Variants in LY9 observed in about 807,000 individuals in gnomAD.
LY9 encodes the protein lymphocyte antigen 9.
Under a neutral mutation model 64.6 loss-of-function variants are expected in LY9, and 59 were observed. That is an observed-to-expected ratio of 0.91 (90% confidence interval 0.74 to 1.13). The LOEUF is 1.13. LY9 is among the 50% of genes most tolerant of loss of function. LY9 has a pLI of 0.00. For missense variants in LY9, 789 were observed against 797.2 expected, an observed-to-expected ratio of 0.99 and a Z score of 0.12; for synonymous variants, 281 against 308.5, an observed-to-expected ratio of 0.91 and a Z score of 0.93.
intron 5 of LY9, among the ~76,000 whole-genome samples, chr1:160,817,851 T>C (rs903309271): frequency 9.2e-5 from 14 of 152,142 alleles, no homozygotes; most frequent in African/African-American, 2.9e-4. Context: ...GGCAGACAGA[T>C]CTAGAGTCCA....
chr1:160,823,375 C>A, intron 7 of LY9, 90 bp from the exon 8 acceptor site: 2 of 921,710 alleles, frequency 2.2e-6, no homozygotes, highest in Non-Finnish European at 1.6e-6. Context: ...TCATCTAATG[C>A]AGGCATCAGA....
intron 2 of LY9, among the ~76,000 whole-genome samples, chr1:160,803,844 C>CA (rs1490425245): frequency 6.6e-6 from 1 of 151,928 alleles, no homozygotes; most frequent in Non-Finnish European, 1.5e-5. Context: ...CCCATCTCTA[C>CA]AAAAAAATAC....
chr1:160,809,092 C>T (rs943159108), intron 2 of LY9, among the ~76,000 whole-genome samples: 2 of 152,002 alleles, frequency 1.3e-5, no homozygotes, highest in Non-Finnish European at 2.9e-5. Flanking sequence ...TATTCTTGTG[C>T]ACCTATCTTT....
chr1:160,827,621 G>A lies in LY9; in HGVS notation c.1900-127G>A, dbSNP rs118040973. 2.8e-3 allele frequency: 1,860 copies of A among 658,722 alleles called. 53 individuals are homozygous for A. The East Asian group carries it at 0.051, about 18-fold the overall frequency. 40.8% of individuals were successfully genotyped at this position (658,722 alleles called of 1,614,324 possible). The stretch of plus-strand genomic sequence containing the variant: ...GGCTGGTTGATTGCGCCATCCCTGG[G>A]CCAGCACATATGACTCTACTTCTGT... On this transcript the variant is annotated intron_variant, in intron 9 of 9. Transcript: ENST00000263285.
Position 160,813,753 on chromosome 1 carries a change from G to A in LY9, c.572G>A (p.Trp191Ter). Residue 191 changes from tryptophan (W) to a stop codon, truncating the protein, a stop_gained, in exon 3 of 10, where the codon TGG becomes TAG. Coordinates refer to ENST00000263285, the MANE Select transcript of LY9 (RefSeq NM_002348.4). LOFTEE classifies it high-confidence loss of function. ...GCAGAGAAAAGTGTTCTGTACAGCT[G>A]GACCCCAAGGGAACCCCATGCTTCT... ...KGAEKSVLYS[W>*]TPREPHASES... 1 of 1,614,106 alleles carries A rather than the reference G, an allele frequency of 6.2e-7. No individual in the cohort carries two copies. The highest frequency in any genetic ancestry group is 1.7e-5 in the Admixed American group (1 of 60,030).
chr1:160,800,054 TGAG>T lies in LY9; in HGVS notation c.432_434del (p.Glu145del), dbSNP rs1433947715. On this transcript the variant is annotated inframe_deletion, in exon 2 of 10. Coordinates refer to ENST00000263285, the MANE Select transcript of LY9 (RefSeq NM_002348.4). ...ACCAAAGGAATTTTGAAGTCACCAC[TGAG>T]GAGGAATTCACCCTGTTCGTCTATG... 1 of 1,613,892 alleles carries T rather than the reference TGAG, an allele frequency of 6.2e-7. No individual in the cohort carries two copies. The highest frequency in any genetic ancestry group is 1.7e-5 in the Admixed American group (1 of 60,006).
Position 160,823,678 on chromosome 1 carries a change from C to A in LY9, c.1712C>A (p.Ala571Asp). 6.2e-7 allele frequency: 1 copy of A among 1,614,060 alleles called. No individual in the cohort carries two copies. The highest frequency in any genetic ancestry group is 8.5e-7 in the Non-Finnish European group (1 of 1,179,956). Residue 571 changes from alanine (A) to aspartate (D), a missense_variant, in exon 8 of 10, where the codon GCT becomes GAT. Transcript: ENST00000263285. ...TTTGACCAGGTCACTCAGGAGGGCG[C>A]TGGACATGACCCAGCCCCTGAGGGC... ...EVFDQVTQEGAGHDPAPEGQA... is the reference protein window; with the variant it reads ...EVFDQVTQEGDGHDPAPEGQA...
chr1:160,824,979 C>CAAA (rs60603957), intron 9 of LY9, among the ~76,000 whole-genome samples: 630 of 59,388 alleles, frequency 0.011, 12 homozygotes, highest in African/African-American at 0.034. Context: ...GACTCCATCT[C>CAAA]AAAAAAAAAA....
At position 160,799,850 on chromosome 1, in the gene LY9, G is replaced by T; in HGVS notation, c.222G>T (p.Glu74Asp). The T allele has an allele frequency of 1.2e-6, 2 of 1,614,132 alleles. No homozygotes were observed. The highest frequency in any genetic ancestry group is 8.5e-7 in the Non-Finnish European group (1 of 1,179,980). The change falls in exon 2 of 10, where the codon GAG becomes GAT. Residue 74 changes from glutamate (E) to aspartate (D), a missense_variant. Physicochemically the swap from Glu to Asp is conservative, Grantham distance 45. Coordinates refer to ENST00000263285, the MANE Select transcript of LY9 (RefSeq NM_002348.4). ...TLPLNISVDT[E>D]IENVIWIGPK... Reference sequence around the variant, plus strand: ...CCCTAAACATCTCAGTAGACACAGAGATTGAGAACGTCATCTGGATTGGTC... The same window carrying T: ...CCCTAAACATCTCAGTAGACACAGATATTGAGAACGTCATCTGGATTGGTC...
At chr1:160,800,616 G>A (rs1666364955) in intron 2 of LY9, among the ~76,000 whole-genome samples, 1 of 151,986 alleles carries the variant, frequency 6.6e-6, no homozygotes, top group Non-Finnish European at 1.5e-5. Flanking sequence ...TGCATGCTGG[G>A]GAAGTCTGGG....
chr1:160,827,708 C>T, intron 9 of LY9, 40 bp from the exon 10 acceptor site: 2 of 1,519,090 alleles, frequency 1.3e-6, no homozygotes, highest in Non-Finnish European at 1.8e-6. Flanking sequence ...TCTTCCAAGG[C>T]TTTATTAACC....
At chr1:160,810,848 G>C (rs1667417036) in intron 2 of LY9, 1 of 152,158 alleles carries the variant, frequency 6.6e-6, no homozygotes, top group Non-Finnish European at 1.5e-5. Flanking sequence ...TGCAAAACCA[G>C]AGAAGTTATC....
chr1:160,820,430 T>TA (rs1188763894), intron 7 of LY9, among the ~76,000 whole-genome samples: 3 of 151,888 alleles, frequency 2.0e-5, no homozygotes, highest in African/African-American at 7.3e-5. Flanking sequence ...AATAAATAAA[T>TA]AAAAAATAAA....
chr1:160,798,212 G>A (rs898082571), intron 1 of LY9, among the ~76,000 whole-genome samples: 10 of 151,978 alleles, frequency 6.6e-5, no homozygotes, highest in African/African-American at 9.7e-5. Flanking sequence ...AAGTCAAAAC[G>A]AGTCATATGC....
At chr1:160,814,881 A>G in intron 4 of LY9, 120 bp downstream of exon 4, 1 of 758,430 alleles carries the variant, frequency 1.3e-6, no homozygotes, top group Non-Finnish European at 2.2e-6. Context: ...GCCTCAGACC[A>G]CTAGGACAGC....
chr1:160,826,049 AC>A lies in LY9; in HGVS notation c.1900-1697del, dbSNP rs1205463207. ...CTTAACTACTAACAGCCTACTGTTG[AC>A]CAGAAGCCTTACCAAAAACATAAAC... On this transcript the variant is annotated intron_variant, in intron 9 of 9. Coordinates refer to ENST00000263285, the MANE Select transcript of LY9 (RefSeq NM_002348.4). Among the ~76,000 whole-genome samples the A allele has an allele frequency of 3.9e-5, 6 of 152,352 alleles. No individual in the cohort carries two copies. In the East Asian group the frequency reaches 1.2e-3, roughly 29 times the overall value.
intron 2 of LY9, 167 bp from the exon 3 acceptor site, chr1:160,813,469 A>G (rs975435883): frequency 6.4e-6 from 4 of 624,156 alleles, no homozygotes; most frequent in Non-Finnish European, 1.1e-5. Flanking sequence ...TTATGGGAGT[A>G]CAGAGGAGAG....
At chr1:160,819,204 C>T (rs971856575) in intron 6 of LY9, 117 bp from the exon 7 acceptor site, 3 of 804,258 alleles carry the variant, frequency 3.7e-6, no homozygotes, top group Admixed American at 3.5e-5. Flanking sequence ...CTTCCTGAAG[C>T]CTTTTCCCTG....
intron 4 of LY9, 84 bp downstream of exon 4, chr1:160,814,845 C>T: frequency 8.9e-7 from 1 of 1,128,796 alleles, no homozygotes; most frequent in Non-Finnish European, 1.3e-6. Context: ...TTCCGCTTCT[C>T]CAAGGGTCTT....
Sources: allele counts gnomAD v4.1 joint callset (sites outside exome capture counted in the v4.1 genomes callset), GRCh38; gene constraint gnomAD v4.1.1; transcripts MANE v1.5; gene names NCBI Gene and HGNC (gene_info 2026-07-23, HGNC 2026-07-21).